Variants in RRM2 observed in about 807,000 individuals in gnomAD.
The protein encoded by RRM2 is ribonucleoside-diphosphate reductase subunit M2.
RRM2 carries 6 observed loss-of-function variants against 45.9 expected under a neutral mutation model. The observed-to-expected ratio is 0.13, with a 90% CI of 0.07 to 0.26. The LOEUF (loss-of-function observed/expected upper bound fraction) is 0.26, where lower values mean the gene tolerates loss of function less well. Among genes scored for constraint, RRM2 ranks in the 10% least tolerant of loss-of-function variants. The pLI is 1.00. For synonymous variants in RRM2, 177 were observed against 173.0 expected, an observed-to-expected ratio of 1.02 and a Z score of -0.18; for missense variants, 343 against 489.5, an observed-to-expected ratio of 0.70 and a Z score of 2.82.
intron 3 of RRM2, among the ~76,000 whole-genome samples, chr2:10,196,633 G>A (rs1038718239): frequency 6.6e-6 from 1 of 151,012 alleles, no homozygotes; most frequent in East Asian, 2.0e-4. Context: ...GCCGGGCTCC[G>A]GGGATGGACA....
chr2:10,169,668 G>A lies in RRM2; in HGVS notation n.482+27293G>A, dbSNP rs2125321789. On this transcript the variant is annotated intron_variant and non_coding_transcript_variant, in intron 3 of 3. Coordinates refer to the RRM2 transcript ENST00000381786. The surrounding 1 kb of genome is among the most constrained non-coding windows in gnomAD (Gnocchi z 5.1). The stretch of plus-strand genomic sequence containing the variant: ...CCACAGAATATGCGCCCCTTTCCTG[G>A]CCCCCTCGAGGTCTGCACAGCCCTG... 6.6e-6 allele frequency among the ~76,000 whole-genome samples: 1 copy of A among 152,230 alleles called. No individual in the cohort carries two copies. Among genetic ancestry groups the A allele is most frequent in the South Asian group, 2.1e-4 (1 of 4,816 alleles).
intron 3 of RRM2, among the ~76,000 whole-genome samples, chr2:10,159,049 G>A (rs1199865706): frequency 6.6e-6 from 1 of 151,910 alleles, no homozygotes; most frequent in Non-Finnish European, 1.5e-5. Flanking sequence ...ACACTCTCTT[G>A]TCAAGAGGTG....
chr2:10,125,016 C>A, intron 5 of RRM2, 166 bp downstream of exon 5: 1 of 569,346 alleles, frequency 1.8e-6, no homozygotes. Flanking sequence ...GGCCTAAATG[C>A]ACTTTATTAT....
rs1662883638 is a variant in RRM2, at chr2:10,130,773, G to C, written c.*1387G>C. The C allele has an allele frequency of 6.6e-6, 1 of 152,038 alleles. No homozygotes were observed. Among genetic ancestry groups the C allele is most frequent in the African/African-American group, 2.4e-5 (1 of 41,368 alleles). 9.4% of individuals were successfully genotyped at this position (152,038 alleles called of 1,614,324 possible). ...GCCTCCCTAGTAGCTGGGACTGCAG[G>C]TATGTGCTACCACACCTGGCTAATT... On this transcript the variant is annotated 3_prime_UTR_variant, in exon 10 of 10. Transcript: ENST00000304567.
Position 10,123,017 on chromosome 2 carries a change from G to A in RRM2, c.134G>A (p.Ser45Asn). Residue 45 changes from serine (S) to asparagine (N), a missense_variant, in exon 2 of 10, where the codon AGC becomes AAC. This residue lies in a region of RRM2 where 131 missense variants were observed against 121.4 expected (regional missense o/e 1.08). Transcript: ENST00000304567. ...CTGAGCGGGACCCGCGTCCTGGCCA[G>A]CAAGACCGCGAGGAGGATCTTCCAG... ...PALSGTRVLA[S>N]KTARRIFQEP... The A allele has an allele frequency of 1.3e-6, 2 of 1,566,116 alleles. No homozygotes were observed. Among genetic ancestry groups the A allele is most frequent in the Non-Finnish European group, 8.6e-7 (1 of 1,162,856 alleles).
upstream of RRM2, among the ~76,000 whole-genome samples, chr2:10,138,684 T>C (rs909744325): frequency 1.1e-4 from 16 of 152,210 alleles, no homozygotes; most frequent in African/African-American, 3.9e-4. Context: ...ACATCACTGC[T>C]CTCAGCCTCA....
In RRM2 at chr2:10,123,831, T is replaced by A. The variant is rs1662722790; in HGVS notation, c.414T>A (p.Asp138Glu). 6.3e-7 allele frequency: 1 copy of A among 1,598,064 alleles called. No individual in the cohort carries two copies. Among genetic ancestry groups the A allele is most frequent in the Non-Finnish European group, 8.6e-7 (1 of 1,165,604 alleles). ...TTCTGGCTTTCTTTGCAGCAAGCGA[T>A]GGCATAGTAAATGAAAACTTGGTGA... Reference protein sequence around the residue: ...SHVLAFFAASDGIVNENLVER... With the variant: ...SHVLAFFAASEGIVNENLVER... Residue 138 changes from aspartate to glutamate, a missense_variant, in exon 4 of 10, where the codon GAT becomes GAA. Asp to Glu is a conservative substitution (Grantham distance 45). Transcript: ENST00000304567.
intron 3 of RRM2, among the ~76,000 whole-genome samples, chr2:10,157,280 T>C (rs1663451290): frequency 6.6e-6 from 1 of 152,222 alleles, no homozygotes; most frequent in African/African-American, 2.4e-5. Flanking sequence ...TCTGCCTGCC[T>C]CTGCTTCTCA....
chr2:10,151,466 T>C (rs957844974), intron 3 of RRM2, among the ~76,000 whole-genome samples: 3 of 151,782 alleles, frequency 2.0e-5, no homozygotes, highest in African/African-American at 4.8e-5. Flanking sequence ...CCAGCTAATT[T>C]TTTTTGTATT....
At chr2:10,177,663 TTTCCTTCC>T (rs138844800) in intron 3 of RRM2, among the ~76,000 whole-genome samples, 15,889 of 141,100 alleles carry the variant, frequency 0.11, 931 homozygotes, top group Non-Finnish European at 0.13. Flanking sequence ...CTTCTTTCCT[TTTCCTTCC>T]TTCCTTCCTT....
Position 10,122,775 on chromosome 2 carries a change from G to A in RRM2, c.-24G>A. ...CCCAGCCGTCCTGTCCTGGCTGCTC[G>A]CTCTGCTTCGCTGCGCCTCCACTAT... On this transcript the variant is annotated 5_prime_UTR_variant, in exon 1 of 10. Transcript: ENST00000304567. 1 of 1,568,404 alleles carries A rather than the reference G, an allele frequency of 6.4e-7. No individual in the cohort carries two copies. The highest frequency in any genetic ancestry group is 8.6e-7 in the Non-Finnish European group (1 of 1,157,462).
Position 10,195,150 on chromosome 2 carries a change from G to A in RRM2, n.483-15161G>A, listed in dbSNP as rs1440658370. Among the ~76,000 whole-genome samples the A allele has an allele frequency of 6.6e-6, 1 of 152,180 alleles. No individual in the cohort carries two copies. Among genetic ancestry groups the A allele is most frequent in the Non-Finnish European group, 1.5e-5 (1 of 68,032 alleles). ...GGCCACAGGTGTGGTCTGAGCTCCT[G>A]GGGAGCTACCGAGGGCAACAGGCAT... On this transcript the variant is annotated intron_variant and non_coding_transcript_variant, in intron 3 of 3. Coordinates refer to the RRM2 transcript ENST00000381786. This position sits in a 1 kb window ranked among gnomAD's most constrained non-coding sequence, Gnocchi z 4.9.
upstream of RRM2, among the ~76,000 whole-genome samples, chr2:10,139,108 A>C (rs1663038415): frequency 6.6e-6 from 1 of 152,148 alleles, no homozygotes; most frequent in Non-Finnish European, 1.5e-5. Context: ...ACTGACTCAA[A>C]AAAAATAAAG....
Position 10,210,386 on chromosome 2 carries a change from C to A in RRM2, n.558C>A, listed in dbSNP as rs13406078. ...GCCCTCATTGTGAAGGGAGAGCCAC[C>A]GTGGTGCTCACAGCAAGACACCCAG... is the stretch of plus-strand genomic sequence containing the variant. On this transcript the variant is annotated non_coding_transcript_exon_variant, in exon 4 of 4. Transcript: ENST00000381786. 62 of 1,367,496 alleles carry A rather than the reference C, an allele frequency of 4.5e-5. No homozygotes were observed. Among genetic ancestry groups the A allele is most frequent in the Admixed American group, 1.9e-4 (10 of 52,590 alleles). 84.7% of individuals were successfully genotyped at this position (1,367,496 alleles called of 1,614,324 possible).
At chr2:10,145,890 G>C (rs1663175861) in intron 3 of RRM2, 1 of 152,246 alleles carries the variant, frequency 6.6e-6, no homozygotes, top group Non-Finnish European at 1.5e-5. Flanking sequence ...CAGGGATTCT[G>C]AATTGGAACC....
intron 3 of RRM2, among the ~76,000 whole-genome samples, chr2:10,161,611 C>G (rs1663556345): frequency 6.6e-6 from 1 of 152,122 alleles, no homozygotes; most frequent in South Asian, 2.1e-4. Context: ...CACACACATT[C>G]ATATGCATAC....
In RRM2 at chr2:10,195,159, C is replaced by T; in HGVS notation, n.483-15152C>T. 6.6e-6 allele frequency among the ~76,000 whole-genome samples: 1 copy of T among 152,138 alleles called. No homozygotes were observed. The highest frequency in any genetic ancestry group is 1.9e-4 in the East Asian group (1 of 5,190). On this transcript the variant is annotated intron_variant and non_coding_transcript_variant, in intron 3 of 3. Transcript: ENST00000381786. The surrounding 1 kb of genome is among the most constrained non-coding windows in gnomAD (Gnocchi z 4.9). The stretch of plus-strand genomic sequence containing the variant: ...TGTGGTCTGAGCTCCTGGGGAGCTA[C>T]CGAGGGCAACAGGCATGTTCTGGAA...
At chr2:10,138,056 A>G (rs1663021611), upstream of RRM2, among the ~76,000 whole-genome samples, 1 of 152,102 alleles carries the variant, frequency 6.6e-6, no homozygotes, top group Admixed American at 6.6e-5. Flanking sequence ...GCTGGAGTGC[A>G]GTGACGTGAT....
chr2:10,142,269 G>A (rs370999204), exon 3 of RRM2: 26 of 1,448,848 alleles, frequency 1.8e-5, no homozygotes, highest in East Asian at 3.4e-5. Context: ...TGAGAAGCTC[G>A]GGAAGGTCTG....
Sources: gnomAD v4.1 joint callset for allele counts (sites outside exome capture counted in the v4.1 genomes callset) on GRCh38, gnomAD v4.1.1 for gene constraint, gnomAD v4.1.1 regional missense constraint, Gnocchi (gnomAD v3.1) non-coding constraint, MANE v1.5 for transcripts, NCBI Gene and HGNC (gene_info 2026-07-23, HGNC 2026-07-21) for gene names.